PDZRN4: variants seen among roughly 807,000 people sequenced by gnomAD.
PDZRN4 encodes PDZ domain containing ring finger 4.
In PDZRN4, 70 loss-of-function variants were observed where a neutral mutation model predicts 99.0. That is an observed-to-expected ratio of 0.71 (90% CI 0.58 to 0.86). The LOEUF (loss-of-function observed/expected upper bound fraction) is 0.86, where lower values mean the gene tolerates loss of function less well. PDZRN4 is among the 40% of genes least tolerant of loss of function. The probability of loss-of-function intolerance (pLI) is 0.00; values close to 1 mark genes in which losing one functional copy is unlikely to be tolerated. For synonymous variants in PDZRN4, 551 were observed against 501.6 expected (o/e 1.10, Z -1.32); for missense variants, 1,474 against 1,331.2 (o/e 1.11, Z -1.67).
At chr12:41,405,576 A>T (rs1232445230) in intron 3 of PDZRN4, among the ~76,000 whole-genome samples, 1 of 152,160 alleles carries the variant, frequency 6.6e-6, no homozygotes, top group Admixed American at 6.5e-5. Flanking sequence ...CTACCATTTG[A>T]CCCAGAAATT....
At chr12:41,283,995 G>A (rs935376142) in intron 3 of PDZRN4, among the ~76,000 whole-genome samples, 4 of 152,146 alleles carry the variant, frequency 2.6e-5, no homozygotes, top group Non-Finnish European at 5.9e-5. Context: ...ACATGGTATT[G>A]GAAGTTCTGG....
At chr12:41,327,967 T>C (rs778284887) in intron 3 of PDZRN4, among the ~76,000 whole-genome samples, 1 of 152,162 alleles carries the variant, frequency 6.6e-6, no homozygotes, top group Non-Finnish European at 1.5e-5. Context: ...ATTTTTTGTT[T>C]ATGCTGGGAC....
chr12:41,200,688 T>C (rs1434090795), intron 3 of PDZRN4, among the ~76,000 whole-genome samples: 3 of 152,268 alleles, frequency 2.0e-5, no homozygotes, highest in African/African-American at 7.2e-5. Flanking sequence ...CATTTTAATT[T>C]GTGATCCAAA....
At chr12:41,294,672 C>A (rs184002822) in intron 3 of PDZRN4, among the ~76,000 whole-genome samples, 2 of 152,016 alleles carry the variant, frequency 1.3e-5, no homozygotes, top group Admixed American at 1.3e-4. Flanking sequence ...CTGAGCTCAA[C>A]GAATCACATT....
At chr12:41,525,502 T>C (rs1938553556) in intron 5 of PDZRN4, among the ~76,000 whole-genome samples, 1 of 152,186 alleles carries the variant, frequency 6.6e-6, no homozygotes, top group Non-Finnish European at 1.5e-5. Context: ...TGTAAATATA[T>C]ATGTATGTAT....
At chr12:41,262,004 C>T (rs1405713025) in intron 3 of PDZRN4, among the ~76,000 whole-genome samples, 2 of 152,132 alleles carry the variant, frequency 1.3e-5, no homozygotes, top group Admixed American at 6.5e-5. Context: ...AAGATGGGCT[C>T]ACTGGCTCCC....
At chr12:41,449,971 T>G (rs1485600295) in intron 3 of PDZRN4, among the ~76,000 whole-genome samples, 1 of 152,214 alleles carries the variant, frequency 6.6e-6, no homozygotes, top group East Asian at 1.9e-4. Flanking sequence ...TAAAATATAC[T>G]GGAAATTGCC....
At chr12:41,524,496 T>C (rs537573459) in intron 5 of PDZRN4, among the ~76,000 whole-genome samples, 8 of 152,248 alleles carry the variant, frequency 5.3e-5, no homozygotes, top group African/African-American at 1.4e-4. Flanking sequence ...CCAGAGCAGA[T>C]GCTCATCTAC....
At chr12:41,399,045 G>A (rs1262444099) in intron 3 of PDZRN4, among the ~76,000 whole-genome samples, 1 of 151,896 alleles carries the variant, frequency 6.6e-6, no homozygotes, top group African/African-American at 2.4e-5. Flanking sequence ...ATTTTTTAAG[G>A]ATTTGAGTTA....
intron 3 of PDZRN4, among the ~76,000 whole-genome samples, chr12:41,338,322 T>G (rs1429380263): frequency 6.6e-6 from 1 of 152,122 alleles, no homozygotes; most frequent in African/African-American, 2.4e-5. Flanking sequence ...CCAATTCTTA[T>G]ACTTCTTCAT....
Position 41,188,947 on chromosome 12 carries a change from C to G in PDZRN4, c.492C>G (p.Val164=). The change falls in exon 1 of 10, where the codon GTC becomes GTG. Residue 164 remains valine (V), a synonymous_variant. Coordinates refer to ENST00000402685, the MANE Select transcript of PDZRN4 (RefSeq NM_001164595.2). ...GCGGGCGGGGACCCGGGCCTCGGGT[C>G]CTCGCCTGGAGGCGGCGCGAGAAGG... is the stretch of plus-strand genomic sequence containing the variant. ...WGRGRGPGPR[V]LAWRRREKAL... The G allele has an allele frequency of 7.1e-7, 1 of 1,412,814 alleles. No individual in the cohort carries two copies. The highest frequency in any genetic ancestry group is 9.2e-7 in the Non-Finnish European group (1 of 1,082,750). 87.5% of individuals were successfully genotyped at this position (1,412,814 alleles called of 1,614,324 possible). A position where few individuals can be genotyped will look rare whatever the true frequency, so the allele number is the denominator to read the frequency against.
chr12:41,488,681 G>A (rs1213477437), intron 3 of PDZRN4, among the ~76,000 whole-genome samples: 4 of 151,948 alleles, frequency 2.6e-5, no homozygotes, highest in African/African-American at 7.2e-5. Context: ...CCGGGCTGGA[G>A]GGAAAAAAAA....
chr12:41,528,408 C>T (rs1938606552), intron 5 of PDZRN4, among the ~76,000 whole-genome samples: 1 of 152,116 alleles, frequency 6.6e-6, no homozygotes, highest in African/African-American at 2.4e-5. Context: ...TTTCTCTTTA[C>T]AAATGAGATT....
intron 3 of PDZRN4, among the ~76,000 whole-genome samples, chr12:41,381,084 AT>A (rs1313487005): frequency 6.6e-6 from 1 of 151,932 alleles, no homozygotes; most frequent in Non-Finnish European, 1.5e-5. Flanking sequence ...AAATACTCTA[AT>A]AGTCTAATTG....
intron 3 of PDZRN4, among the ~76,000 whole-genome samples, chr12:41,355,741 G>T (rs966943511): frequency 2.0e-5 from 3 of 152,022 alleles, no homozygotes; most frequent in Non-Finnish European, 4.4e-5. Flanking sequence ...AAAAGTATTA[G>T]TGTCTCCAAG....
intron 3 of PDZRN4, among the ~76,000 whole-genome samples, chr12:41,425,103 T>C (rs1179428450): frequency 6.6e-6 from 1 of 152,128 alleles, no homozygotes; most frequent in Non-Finnish European, 1.5e-5. Context: ...GGCTTTTTAA[T>C]AGATTAAAAG....
chr12:41,468,863 G>T (rs1952956912), intron 3 of PDZRN4, among the ~76,000 whole-genome samples: 1 of 151,992 alleles, frequency 6.6e-6, no homozygotes, highest in Non-Finnish European at 1.5e-5. Flanking sequence ...ACTCAAATCA[G>T]TCGGGCATGA....
At chr12:41,522,159 G>T (rs1364138318) in intron 5 of PDZRN4, among the ~76,000 whole-genome samples, 2 of 152,128 alleles carry the variant, frequency 1.3e-5, no homozygotes, top group South Asian at 2.1e-4. Flanking sequence ...GAGCAATGCA[G>T]TTGGGAAATT....
intron 3 of PDZRN4, among the ~76,000 whole-genome samples, chr12:41,255,903 C>T (rs1456710730): frequency 6.6e-6 from 1 of 152,106 alleles, no homozygotes; most frequent in Non-Finnish European, 1.5e-5. Flanking sequence ...CACTTATTGC[C>T]ATGGGGTGGG....
Sources: allele counts gnomAD v4.1 joint callset (sites outside exome capture counted in the v4.1 genomes callset), GRCh38; gene constraint gnomAD v4.1.1; transcripts MANE v1.5; gene names NCBI Gene and HGNC (gene_info 2026-07-23, HGNC 2026-07-21).